ENHO: variants seen among roughly 807,000 people sequenced by gnomAD.
ENHO encodes energy homeostasis associated.
ENHO carries 5 observed loss-of-function variants against 4.1 expected under a neutral mutation model. The observed-to-expected ratio is 1.23, with a 90% CI of 0.64 to 2.58. The LOEUF (loss-of-function observed/expected upper bound fraction) is 2.58, where lower values mean the gene tolerates loss of function less well. Among genes scored for constraint, ENHO ranks in the 30% most tolerant of loss-of-function variants. The pLI, the probability that ENHO is intolerant of heterozygous loss-of-function variation, is 0.01. For synonymous variants in ENHO, 45 were observed against 42.9 expected (o/e 1.05, Z -0.19); for missense variants, 86 against 97.7 (o/e 0.88, Z 0.51).
At position 34,521,251 on chromosome 9, in the gene ENHO, C is replaced by A; in HGVS notation, c.*214G>T. 2.9e-6 allele frequency: 2 copies of A among 685,038 alleles called. No individual in the cohort carries two copies. The highest frequency in any genetic ancestry group is 1.8e-5 in the African/African-American group (1 of 56,720). The allele number at this position is 685,038 out of a possible 1,614,324, so 42.4% of individuals were successfully genotyped here. On this transcript the variant is annotated 3_prime_UTR_variant, in exon 2 of 2. Coordinates refer to ENST00000399775, the MANE Select transcript of ENHO (RefSeq NM_198573.3). The stretch of plus-strand genomic sequence containing the variant: ...ATAGTCCAGATGGCCCTGGCTCTAG[C>A]ACCAACTCATAAGCCCCCACCCCAG...
Position 34,521,809 on chromosome 9 carries a change from C to T in ENHO, c.-114G>A, listed in dbSNP as rs1323375940. 1.1e-5 allele frequency: 10 copies of T among 870,032 alleles called. No individual in the cohort carries two copies. The highest frequency in any genetic ancestry group is 3.2e-5 in the South Asian group (2 of 61,702). 53.9% of individuals were successfully genotyped at this position (870,032 alleles called of 1,614,324 possible). A position where few individuals can be genotyped will look rare whatever the true frequency, so the allele number is the denominator to read the frequency against. ...TTCAGAGGAGGCTGTGCTGTCTGCA[C>T]GCTCAGTGATTCCTGGGCAGTGGAG... On this transcript the variant is annotated 5_prime_UTR_variant, in exon 2 of 2. It adds an upstream start codon to the 5' untranslated region. Transcript: ENST00000399775.
chr9:34,521,619 A>G lies in ENHO; in HGVS notation c.77T>C (p.Leu26Pro). Residue 26 changes from leucine to proline, a missense_variant, in exon 2 of 2, where the codon CTC becomes CCC. By Grantham distance (98) the Leu-to-Pro change is moderately conservative. Coordinates refer to ENST00000399775, the MANE Select transcript of ENHO (RefSeq NM_198573.3). The part of the protein sequence containing the change: ...NGLVGFLLLL[L>P]WVILCWACHS... ...GCAGGCCCAGCAGAGGATGACCCAG[A>G]GCAGCAGCAGCAAGAAGCCCACGAG... 1.9e-6 allele frequency: 3 copies of G among 1,613,938 alleles called. No individual in the cohort carries two copies. The highest frequency in any genetic ancestry group is 2.5e-6 in the Non-Finnish European group (3 of 1,180,018).
In ENHO at chr9:34,521,435, G is replaced by A. The variant is rs765453094; in HGVS notation, c.*30C>T. On this transcript the variant is annotated 3_prime_UTR_variant, in exon 2 of 2. Coordinates refer to ENST00000399775, the MANE Select transcript of ENHO (RefSeq NM_198573.3). ...CAGGCTCTAGGTGAGGTGGACTTAG[G>A]TCCTGGGCTCCAGGCTAGGCCAGGG... The A allele has an allele frequency of 1.3e-6, 2 of 1,585,552 alleles. No individual in the cohort carries two copies. The highest frequency in any genetic ancestry group is 1.7e-6 in the Non-Finnish European group (2 of 1,158,948).
In ENHO at chr9:34,521,426, T is replaced by C. The variant is rs1184535845; in HGVS notation, c.*39A>G. 1 of 1,562,848 alleles carries C rather than the reference T, an allele frequency of 6.4e-7. No homozygotes were observed. The highest frequency in any genetic ancestry group is 8.8e-7 in the Non-Finnish European group (1 of 1,139,808). On this transcript the variant is annotated 3_prime_UTR_variant, in exon 2 of 2. Transcript: ENST00000399775. ...TCCTAATTCCAGGCTCTAGGTGAGGTGGACTTAGGTCCTGGGCTCCAGGCT... is the reference window on the plus strand; with the variant it reads ...TCCTAATTCCAGGCTCTAGGTGAGGCGGACTTAGGTCCTGGGCTCCAGGCT...
In ENHO at chr9:34,521,641, C is replaced by G; in HGVS notation, c.55G>C (p.Val19Leu). 6.2e-7 allele frequency: 1 copy of G among 1,614,032 alleles called. No homozygotes were observed. Among genetic ancestry groups the G allele is most frequent in the South Asian group, 1.1e-5 (1 of 91,072 alleles). ...CAGAGCAGCAGCAGCAAGAAGCCCA[C>G]GAGACCGTTGCAGACGATGGCGATG... The part of the protein sequence containing the change: ...ALIAIVCNGL[V>L]GFLLLLLWVI... The change falls in exon 2 of 2, where the codon GTG (valine) becomes CTG (leucine). Residue 19 changes from valine to leucine, a missense_variant. Coordinates refer to ENST00000399775, the MANE Select transcript of ENHO (RefSeq NM_198573.3).
At chr9:34,521,954 T>G in intron 1 of ENHO, 98 bp from the exon 2 acceptor site, 1 of 516,742 alleles carries the variant, frequency 1.9e-6, no homozygotes, top group Admixed American at 3.4e-5. Context: ...CCTCCCACAT[T>G]TCTGGCCTCC....
chr9:34,521,988 A>G, intron 1 of ENHO, 132 bp from the exon 2 acceptor site: 2 of 469,122 alleles, frequency 4.3e-6, no homozygotes, highest in Non-Finnish European at 7.8e-6. Flanking sequence ...TTGGGTCCCA[A>G]CAGGCTCGAA....
rs770054218 is a variant in ENHO at position 34,521,886 on chromosome 9, T to TG, written c.-161-31dup. 716 of 602,744 alleles carry TG rather than the reference T, an allele frequency of 1.2e-3. 1 individual carries two copies. Among genetic ancestry groups the TG allele is most frequent in the Non-Finnish European group, 1.8e-3 (611 of 330,980 alleles). 37.3% of individuals were successfully genotyped at this position (602,744 alleles called of 1,614,324 possible). A position where few individuals can be genotyped will look rare whatever the true frequency, so the allele number is the denominator to read the frequency against. On this transcript the variant is annotated intron_variant, in intron 1 of 1. Transcript: ENST00000399775. ...TGGGGGTATACAGTAAAGGAGAGGG[T>TG]GGTGAGGAGGAAGGGTGGGGTGAGG... is the stretch of plus-strand genomic sequence containing the variant.
In ENHO at chr9:34,521,530, A is replaced by C. The variant is rs766782992; in HGVS notation, c.166T>G (p.Cys56Gly). Residue 56 changes from cysteine (C) to glycine (G), a missense_variant, in exon 2 of 2, where the codon TGT (cysteine) becomes GGT (glycine). Coordinates refer to ENST00000399775, the MANE Select transcript of ENHO (RefSeq NM_198573.3). ...TGGGGTGGTGGGGCCTTCTCAGGAC[A>C]GGGGCCAGGGCTGGAGTTGGGACTG... ...ESSPNSSPGPCPEKAPPPQKP... is the reference protein window; with the variant it reads ...ESSPNSSPGPGPEKAPPPQKP... 4 of 1,613,958 alleles carry C rather than the reference A, an allele frequency of 2.5e-6. No individual in the cohort carries two copies. The South Asian group carries it at 4.4e-5, about 18-fold the overall frequency.
Position 34,521,354 on chromosome 9 carries a change from C to T in ENHO, c.*111G>A. 1 of 1,022,856 alleles carries T rather than the reference C, an allele frequency of 9.8e-7. No individual in the cohort carries two copies. The highest frequency in any genetic ancestry group is 2.5e-5 in the East Asian group (1 of 40,120). The allele number at this position is 1,022,856 out of a possible 1,614,324, so 63.4% of individuals were successfully genotyped here. A position where few individuals can be genotyped will look rare whatever the true frequency, so the allele number is the denominator to read the frequency against. On this transcript the variant is annotated 3_prime_UTR_variant, in exon 2 of 2. Coordinates refer to ENST00000399775, the MANE Select transcript of ENHO (RefSeq NM_198573.3). The stretch of plus-strand genomic sequence containing the variant: ...CTGGGCCGCTGGGTCCAGCTCCAAG[C>T]AGGCGGACTCTTGAGTTCTGGACCC...
rs557460942 is a variant in ENHO, at chr9:34,521,618, G to C, written c.78C>G (p.Leu26=). Residue 26 remains leucine, a synonymous_variant, in exon 2 of 2, where the codon CTC becomes CTG. Coordinates refer to ENST00000399775, the MANE Select transcript of ENHO (RefSeq NM_198573.3). ...GGCAGGCCCAGCAGAGGATGACCCA[G>C]AGCAGCAGCAGCAAGAAGCCCACGA... is the stretch of plus-strand genomic sequence containing the variant. ...NGLVGFLLLL[L]WVILCWACHS... 6 of 1,613,882 alleles carry C rather than the reference G, an allele frequency of 3.7e-6. No homozygotes were observed. Among genetic ancestry groups the C allele is most frequent in the Non-Finnish European group, 5.1e-6 (6 of 1,180,044 alleles).
chr9:34,521,628 A>C lies in ENHO; in HGVS notation c.68T>G (p.Leu23Arg). The change falls in exon 2 of 2, where the codon CTG (leucine) becomes CGG (arginine). Residue 23 changes from leucine (L) to arginine (R), a missense_variant. Leu to Arg is a moderately radical substitution (Grantham distance 102, BLOSUM62 -2). Transcript: ENST00000399775. Reference protein sequence around the residue: ...IVCNGLVGFLLLLLWVILCWA... With the variant: ...IVCNGLVGFLRLLLWVILCWA... ...GCAGAGGATGACCCAGAGCAGCAGC[A>C]GCAAGAAGCCCACGAGACCGTTGCA... 2 of 1,614,064 alleles carry C rather than the reference A, an allele frequency of 1.2e-6. No individual in the cohort carries two copies. Among genetic ancestry groups the C allele is most frequent in the Non-Finnish European group, 1.7e-6 (2 of 1,180,044 alleles).
rs1008909924 is a variant in ENHO at position 34,522,019 on chromosome 9, C to A, written c.-161-163G>T. On this transcript the variant is annotated intron_variant, in intron 1 of 1. Coordinates refer to ENST00000399775, the MANE Select transcript of ENHO (RefSeq NM_198573.3). This position sits in a 1 kb window ranked among gnomAD's most constrained non-coding sequence, Gnocchi z 4.2. ...TCGAATACCCCACAGAGCCATCACC[C>A]CCATCCACAGGCTTGGTTCTGGCCA... Among the ~76,000 whole-genome samples, 1 of 152,190 alleles carries A rather than the reference C, an allele frequency of 6.6e-6. No homozygotes were observed. The highest frequency in any genetic ancestry group is 6.5e-5 in the Admixed American group (1 of 15,282).
At position 34,522,027 on chromosome 9, in the gene ENHO, C is replaced by T. The variant is rs1020263607; in HGVS notation, c.-161-171G>A. On this transcript the variant is annotated intron_variant, in intron 1 of 1. Coordinates refer to ENST00000399775, the MANE Select transcript of ENHO (RefSeq NM_198573.3). This position sits in a 1 kb window ranked among gnomAD's most constrained non-coding sequence, Gnocchi z 4.2. ...CCCACAGAGCCATCACCCCCATCCA[C>T]AGGCTTGGTTCTGGCCACCTGAATG... Among the ~76,000 whole-genome samples, 3 of 152,316 alleles carry T rather than the reference C, an allele frequency of 2.0e-5. No homozygotes were observed. Among genetic ancestry groups the T allele is most frequent in the Non-Finnish European group, 4.4e-5 (3 of 68,022 alleles).
At position 34,522,668 on chromosome 9, in the gene ENHO, CTGTCTT is replaced by C. The variant is rs1164356998; in HGVS notation, c.-162+103_-162+108del. ...GGTCTTTTCGGTGGTTCCTGTGTCTCTGTCTTTGTGTTCGTCTCTCTCCGCGGCAGT... is the reference window on the plus strand; with the variant it reads ...GGTCTTTTCGGTGGTTCCTGTGTCTCTGTGTTCGTCTCTCTCCGCGGCAGT... On this transcript the variant is annotated intron_variant, in intron 1 of 1. Coordinates refer to ENST00000399775, the MANE Select transcript of ENHO (RefSeq NM_198573.3). This position sits in a 1 kb window ranked among gnomAD's most constrained non-coding sequence, Gnocchi z 4.2. 6.5e-6 allele frequency: 1 copy of C among 152,964 alleles called. No individual in the cohort carries two copies. The highest frequency in any genetic ancestry group is 2.4e-5 in the African/African-American group (1 of 41,434). 9.5% of individuals were successfully genotyped at this position (152,964 alleles called of 1,614,324 possible).
Position 34,521,236 on chromosome 9 carries a change from T to C in ENHO, c.*229A>G. ...CCCTTGGGATGGAGCATAGTCCAGA[T>C]GGCCCTGGCTCTAGCACCAACTCAT... On this transcript the variant is annotated 3_prime_UTR_variant, in exon 2 of 2. Transcript: ENST00000399775. 1 of 664,018 alleles carries C rather than the reference T, an allele frequency of 1.5e-6. No individual in the cohort carries two copies. Among genetic ancestry groups the C allele is most frequent in the South Asian group, 1.6e-5 (1 of 62,926 alleles). The allele number at this position is 664,018 out of a possible 1,614,324, so 41.1% of individuals were successfully genotyped here.
chr9:34,521,512 G>T lies in ENHO; in HGVS notation c.184C>A (p.Pro62Thr), dbSNP rs1470970475. Residue 62 changes from proline (P) to threonine (T), a missense_variant, in exon 2 of 2, where the codon CCA becomes ACA. Transcript: ENST00000399775. ...SPGPCPEKAP[P>T]PQKPSHEGSY... ...CCTTCATGGCTGGGCTTCTGGGGTG[G>T]TGGGGCCTTCTCAGGACAGGGGCCA... The T allele has an allele frequency of 6.2e-7, 1 of 1,613,874 alleles. No homozygotes were observed. Among genetic ancestry groups the T allele is most frequent in the African/African-American group, 1.3e-5 (1 of 75,074 alleles).
rs981839435 is a variant in ENHO, at chr9:34,522,184, A to T, written c.-161-328T>A. ...AGCCCTCTGTTGGTGGGTGGGATCC[A>T]GGAAGCCCCCAGCCCAAAAGGATGG... is the stretch of plus-strand genomic sequence containing the variant. On this transcript the variant is annotated intron_variant, in intron 1 of 1. Coordinates refer to ENST00000399775, the MANE Select transcript of ENHO (RefSeq NM_198573.3). This position sits in a 1 kb window ranked among gnomAD's most constrained non-coding sequence, Gnocchi z 4.2. 6.5e-6 allele frequency: 1 copy of T among 154,530 alleles called. No individual in the cohort carries two copies. Among genetic ancestry groups the T allele is most frequent in the Non-Finnish European group, 1.4e-5 (1 of 69,746 alleles). The allele number at this position is 154,530 out of a possible 1,614,324, so 9.6% of individuals were successfully genotyped here. A position where few individuals can be genotyped will look rare whatever the true frequency, so the allele number is the denominator to read the frequency against.
rs1031092318 is a variant in ENHO, at chr9:34,522,989, C to T, written c.-374G>A. Reference sequence around the variant, plus strand: ...CGGGGCGGCCTCTGCCGCGGGCGGTCTGCGGTGAGCGGGCACCTCCTCCCC... The same window carrying T: ...CGGGGCGGCCTCTGCCGCGGGCGGTTTGCGGTGAGCGGGCACCTCCTCCCC... On this transcript the variant is annotated 5_prime_UTR_variant, in exon 1 of 2. Coordinates refer to ENST00000399775, the MANE Select transcript of ENHO (RefSeq NM_198573.3). This position sits in a 1 kb window ranked among gnomAD's most constrained non-coding sequence, Gnocchi z 4.2. 1.3e-5 allele frequency: 2 copies of T among 151,054 alleles called. No individual in the cohort carries two copies. The highest frequency in any genetic ancestry group is 2.4e-5 in the African/African-American group (1 of 41,284). 9.4% of individuals were successfully genotyped at this position (151,054 alleles called of 1,614,324 possible).
Sources: gnomAD v4.1 joint callset for allele counts (sites outside exome capture counted in the v4.1 genomes callset) on GRCh38, gnomAD v4.1.1 for gene constraint, Gnocchi (gnomAD v3.1) non-coding constraint, MANE v1.5 for transcripts, NCBI Gene and HGNC (gene_info 2026-07-23, HGNC 2026-07-21) for gene names.